PRH1: variants seen among roughly 807,000 people sequenced by gnomAD.
PRH1 encodes the protein salivary acidic proline-rich phosphoprotein 1/2.
A neutral mutation model predicts 7.9 loss-of-function variants in PRH1; 7 were observed. The ratio of observed to expected loss-of-function variants is 0.89; its 90% CI spans 0.50 to 1.67. The LOEUF (loss-of-function observed/expected upper bound fraction) is 1.67. Ranked by LOEUF, PRH1 falls within the 40% of genes most tolerant of loss-of-function variation. The probability of loss-of-function intolerance (pLI) is 0.00; values close to 1 mark genes in which losing one functional copy is unlikely to be tolerated. For missense variants in PRH1, 109 were observed against 223.6 expected (o/e 0.49, Z 3.27); for synonymous variants, 45 against 80.8 (o/e 0.56, Z 2.38).
intron 2 of PRH1, chr12:10,908,680 T>A (rs567736542): frequency 3.7e-6 from 6 of 1,613,922 alleles, no homozygotes; most frequent in South Asian, 3.3e-5. Flanking sequence ...TGGAGATGTT[T>A]CTGCAGGGAG....
intron 1 of PRH1, among the ~76,000 whole-genome samples, chr12:11,165,844 T>C (rs1947559045): frequency 6.6e-6 from 1 of 152,244 alleles, no homozygotes; most frequent in Non-Finnish European, 1.5e-5. Context: ...TCAGTGTTTG[T>C]GCTCAGCTTC....
chr12:11,104,187 A>G (rs998121217), intron 1 of PRH1, among the ~76,000 whole-genome samples: 6 of 137,434 alleles, frequency 4.4e-5, no homozygotes, highest in African/African-American at 1.5e-4. Flanking sequence ...AGAGTAAAAA[A>G]AAAAAAAAAA....
At chr12:10,897,682 C>T (rs1949667340) in intron 2 of PRH1, among the ~76,000 whole-genome samples, 1 of 152,160 alleles carries the variant, frequency 6.6e-6, no homozygotes. Context: ...GATACATCTT[C>T]ACATGGTTGG....
intron 1 of PRH1, chr12:11,021,601 T>C: frequency 2.4e-6 from 3 of 1,257,100 alleles, no homozygotes; most frequent in Non-Finnish European, 3.4e-6. Context: ...CACCATCAGT[T>C]TGTTTTCTGC....
At chr12:10,989,208 G>C (rs1939804634) in intron 1 of PRH1, among the ~76,000 whole-genome samples, 1 of 151,680 alleles carries the variant, frequency 6.6e-6, no homozygotes, top group African/African-American at 2.4e-5. Flanking sequence ...GTGTAGTCCT[G>C]TATGTTCCTG....
At chr12:11,048,703 A>C (rs763319545), upstream of PRH1, 6 of 451,440 alleles carry the variant, frequency 1.3e-5, no homozygotes, top group Non-Finnish European at 8.4e-6. Context: ...GCAGGGTGTG[A>C]CGTTTGCTGG....
chr12:11,025,263 C>T (rs967238786), intron 1 of PRH1, among the ~76,000 whole-genome samples: 9 of 152,016 alleles, frequency 5.9e-5, no homozygotes, highest in Admixed American at 2.0e-4. Flanking sequence ...ATGCTCCTTG[C>T]GTGTTCAACT....
At chr12:11,031,515 AGAGAG>A in intron 1 of PRH1, 3 of 701,810 alleles carry the variant, frequency 4.3e-6, no homozygotes, top group Non-Finnish European at 4.4e-6. Context: ...TTTATTGAGA[AGAGAG>A]AAAGGACAAA....
chr12:11,155,614 CTTGT>C (rs1038415772), intron 1 of PRH1, among the ~76,000 whole-genome samples: 24 of 152,134 alleles, frequency 1.6e-4, no homozygotes, highest in African/African-American at 4.6e-4. Context: ...ATATTTTCTT[CTTGT>C]TTATGACTTC....
intron 1 of PRH1, among the ~76,000 whole-genome samples, chr12:11,064,252 A>G (rs1165857130): frequency 6.6e-6 from 1 of 152,166 alleles, no homozygotes; most frequent in African/African-American, 2.4e-5. Context: ...CCTGCTTTGC[A>G]CTGCGTGTAG....
At chr12:11,064,967 T>C (rs1175866621) in intron 1 of PRH1, among the ~76,000 whole-genome samples, 3 of 151,810 alleles carry the variant, frequency 2.0e-5, no homozygotes, top group Non-Finnish European at 4.4e-5. Context: ...ATCCCGGGAG[T>C]TCCAGACTGC....
chr12:10,986,976 TTTTTAC>T, intron 1 of PRH1: 1 of 735,452 alleles, frequency 1.4e-6, no homozygotes, highest in Non-Finnish European at 2.0e-6. Context: ...AGTAACATTC[TTTTTAC>T]TTTTAAACAC....
In PRH1 at chr12:10,981,036, G is replaced by A. The variant is rs189507717; in HGVS notation, c.-125-7315C>T. Among the ~76,000 whole-genome samples the A allele has an allele frequency of 4.4e-4, 67 of 152,156 alleles. No individual in the cohort carries two copies. The East Asian group carries it at 0.012, about 26-fold the overall frequency. ...GAAAGAGTTGAAAAAGCTGATTCCT[G>A]AGGTCAGCCTTTAACATTGAAAATG... On this transcript the variant is annotated intron_variant, in intron 1 of 3. Transcript: ENST00000539853.
In PRH1 at chr12:10,882,229, C is replaced by A; in HGVS notation, c.*6G>T. ...ACTGGAATCGTACCTGTCATTGAAT[C>A]CTAGATTACTGAGGAGACTGCCCCT... is the stretch of plus-strand genomic sequence containing the variant. On this transcript the variant is annotated 3_prime_UTR_variant, in exon 3 of 4. Coordinates refer to ENST00000543626, the MANE Select transcript of PRH1 (RefSeq NM_001393989.1). 1 of 1,613,678 alleles carries A rather than the reference C, an allele frequency of 6.2e-7. No individual in the cohort carries two copies. The highest frequency in any genetic ancestry group is 8.5e-7 in the Non-Finnish European group (1 of 1,179,902).
At chr12:10,937,811 T>C (rs535184966) in intron 2 of PRH1, 3 of 153,134 alleles carry the variant, frequency 2.0e-5, no homozygotes, top group African/African-American at 7.2e-5. Flanking sequence ...GCATACACGC[T>C]AATCAGGTAC....
chr12:10,928,510 T>G (rs1224914767), intron 2 of PRH1, among the ~76,000 whole-genome samples: 1 of 152,240 alleles, frequency 6.6e-6, no homozygotes, highest in Non-Finnish European at 1.5e-5. Context: ...GTGGTTTCTG[T>G]GTTCAGTTTT....
chr12:11,147,969 G>C (rs1023026693), intron 1 of PRH1, among the ~76,000 whole-genome samples: 6 of 148,542 alleles, frequency 4.0e-5, no homozygotes, highest in South Asian at 4.5e-4. Context: ...TCATTGAGCA[G>C]TGGTTTGTAG....
At chr12:11,156,763 T>C (rs1355821203) in intron 1 of PRH1, among the ~76,000 whole-genome samples, 2 of 152,190 alleles carry the variant, frequency 1.3e-5, no homozygotes, top group Non-Finnish European at 2.9e-5. Flanking sequence ...TTAAAGATTT[T>C]TTAAAAACTT....
chr12:10,938,486 GC>G lies in PRH1; in HGVS notation c.-59+35168del, dbSNP rs763455480. ...TATGAAAAAAGACAGAGAGAAAATG[GC>G]ATAGAGTAGGAAGAAAGTGATCACA... On this transcript the variant is annotated intron_variant, in intron 2 of 3. Coordinates refer to the PRH1 transcript ENST00000539853. The G allele has an allele frequency of 8.1e-6, 13 of 1,613,906 alleles. No homozygotes were observed. The South Asian group carries it at 1.4e-4, about 18-fold the overall frequency.
Sources: gnomAD v4.1 joint callset for allele counts (sites outside exome capture counted in the v4.1 genomes callset) on GRCh38, gnomAD v4.1.1 for gene constraint, MANE v1.5 for transcripts, NCBI Gene and HGNC (gene_info 2026-07-23, HGNC 2026-07-21) for gene names.